CPZ: variants seen among roughly 807,000 people sequenced by gnomAD.
CPZ encodes the protein VEZT/CPZ fusion.
CPZ carries 103 observed loss-of-function variants against 61.8 expected under a neutral mutation model. The ratio of observed to expected loss-of-function variants is 1.67; its 90% CI spans 1.42 to 1.96. CPZ has a LOEUF of 1.96. Ranked by LOEUF, CPZ falls within the 30% of genes most tolerant of loss-of-function variation. The probability of loss-of-function intolerance (pLI) is 0.00; values close to 1 mark genes in which losing one functional copy is unlikely to be tolerated. For missense variants in CPZ, 1,461 were observed against 914.9 expected (o/e 1.60, Z -7.70); for synonymous variants, 551 against 373.7 (o/e 1.47, Z -5.47).
intron 4 of CPZ, 145 bp from the exon 5 acceptor site, chr4:8,605,844 C>T: frequency 1.3e-6 from 1 of 744,498 alleles, no homozygotes; most frequent in Non-Finnish European, 2.1e-6. Context: ...TTGATGAGAC[C>T]TCATTATATA....
intron 9 of CPZ, chr4:8,618,223 C>T (rs1577131907): frequency 1.7e-6 from 1 of 588,294 alleles, no homozygotes; most frequent in Non-Finnish European, 3.0e-6. Context: ...GTGCTCGGGT[C>T]AATTGCCAGG....
Position 8,607,329 on chromosome 4 carries a change from C to A in CPZ, c.1131C>A (p.Ala377=). 1.2e-6 allele frequency: 2 copies of A among 1,614,134 alleles called. No homozygotes were observed. The highest frequency in any genetic ancestry group is 1.7e-4 in the Middle Eastern group (1 of 6,060). Residue 377 remains alanine, a synonymous_variant, in exon 7 of 11, where the codon GCC becomes GCA. Transcript: ENST00000360986. The stretch of plus-strand genomic sequence containing the variant: ...AGACCATACCCTTTGTGCTCTCAGC[C>A]AGCCTTCATGGGGGCGACCTGGTGG... ...WMQTIPFVLS[A]SLHGGDLVVS...
rs145429481 is a variant in CPZ, at chr4:8,601,164, G to T, written c.163G>T (p.Ala55Ser). 90 of 1,603,324 alleles carry T rather than the reference G, an allele frequency of 5.6e-5. No individual in the cohort carries two copies. The highest frequency in any genetic ancestry group is 7.5e-5 in the Non-Finnish European group (88 of 1,172,932). The stretch of plus-strand genomic sequence containing the variant: ...GCAGCTCAGGACCTGCAGCGATGCC[G>T]CCTACAACCACACCACCTTCCCCAA... ...DLQLRTCSDA[A>S]YNHTTFPNLL... is the part of the protein sequence containing the mutation. Residue 55 changes from alanine (A) to serine (S), a missense_variant, in exon 3 of 11, where the codon GCC (alanine) becomes TCC (serine). Transcript: ENST00000360986.
chr4:8,608,641 C>CGTGTGTGTGTGTATACCT (rs57341669), intron 7 of CPZ, among the ~76,000 whole-genome samples: 1 of 151,418 alleles, frequency 6.6e-6, no homozygotes, highest in Non-Finnish European at 1.5e-5. Flanking sequence ...TGTGAGTGCA[C>CGTGTGTGTGTGTATACCT]GTGTGTGCGT....
intron 1 of CPZ, among the ~76,000 whole-genome samples, chr4:8,593,884 C>T (rs951925517): frequency 6.6e-5 from 10 of 152,168 alleles, no homozygotes; most frequent in African/African-American, 1.9e-4. Context: ...CTACCCGCTG[C>T]GTGTGTGCTC....
intron 1 of CPZ, among the ~76,000 whole-genome samples, chr4:8,597,207 C>T (rs1057169508): frequency 6.6e-6 from 1 of 152,116 alleles, no homozygotes. Context: ...CACCGGTGCT[C>T]GCTCAGGGCC....
chr4:8,603,947 C>T, intron 3 of CPZ, 29 bp from the exon 4 acceptor site: 3 of 1,603,546 alleles, frequency 1.9e-6, no homozygotes, highest in South Asian at 2.2e-5. Context: ...GGGCCTGACA[C>T]TGACTGAGCC....
intron 9 of CPZ, among the ~76,000 whole-genome samples, chr4:8,614,780 A>C (rs887730247): frequency 6.6e-6 from 1 of 152,164 alleles, no homozygotes; most frequent in Non-Finnish European, 1.5e-5. Context: ...ACAAGGGAGC[A>C]TGGGCCTGGG....
rs539435764 is a variant in CPZ, at chr4:8,594,811, C to T, written c.88+1890C>T. On this transcript the variant is annotated intron_variant, in intron 1 of 10. Coordinates refer to ENST00000360986, the MANE Select transcript of CPZ (RefSeq NM_001014447.3). ...TTTTTGAGATGGAGTCTCACTCTGTCGCCCAGGCTGGAGTGCAGTTGCGCA... is the reference window on the plus strand; with the variant it reads ...TTTTTGAGATGGAGTCTCACTCTGTTGCCCAGGCTGGAGTGCAGTTGCGCA... Among the ~76,000 whole-genome samples the T allele has an allele frequency of 1.1e-3, 171 of 150,970 alleles. 3 individuals are homozygous for T. Among genetic ancestry groups the T allele is most frequent in the Non-Finnish European group, 2.7e-4 (18 of 67,860 alleles).
In CPZ at chr4:8,612,086, G is replaced by A. The variant is rs149208953; in HGVS notation, c.1287G>A (p.Ser429=). The change falls in exon 8 of 11, where the codon TCG becomes TCA. Residue 429 remains serine (S), a synonymous_variant. Coordinates refer to ENST00000360986, the MANE Select transcript of CPZ (RefSeq NM_001014447.3). ...ADVHPMMMDR[S]ENRCGGNFLK... ...TCCACCCCATGATGATGGACAGGTC[G>A]GAGAATAGGTGTGGAGGCAATTTCC... is the stretch of plus-strand genomic sequence containing the variant. 1,590 of 1,613,524 alleles carry A rather than the reference G, an allele frequency of 9.9e-4. 2 individuals carry two copies. Among genetic ancestry groups the A allele is most frequent in the Non-Finnish European group, 1.2e-3 (1,416 of 1,179,836 alleles).
rs144420459 is a variant in CPZ, at chr4:8,619,461, C to A, written c.1803C>A (p.His601Gln). 1.6e-5 allele frequency: 26 copies of A among 1,611,552 alleles called. No homozygotes were observed. The highest frequency in any genetic ancestry group is 1.7e-5 in the Non-Finnish European group (20 of 1,178,454). ...ATGGGCTGCGGAGGACTGGGCCCCA[C>A]GACCCACTGGGAGGTGCCAGCTCTT... ...FIHGLRRTGP[H>Q]DPLGGASSLG... Residue 601 changes from histidine (H) to glutamine (Q), a missense_variant, in exon 11 of 11, where the codon CAC becomes CAA. Transcript: ENST00000360986.
At chr4:8,614,929 C>T (rs961834068) in intron 9 of CPZ, among the ~76,000 whole-genome samples, 2 of 151,624 alleles carry the variant, frequency 1.3e-5, no homozygotes, top group Non-Finnish European at 2.9e-5. Context: ...GGGGAGCATG[C>T]TAGAACCCCA....
chr4:8,619,294 C>T lies in CPZ; in HGVS notation c.1636C>T (p.Pro546Ser), dbSNP rs1225014798. The change falls in exon 11 of 11, where the codon CCA becomes TCA. Residue 546 changes from proline to serine, a missense_variant. By Grantham distance (74) the Pro-to-Ser change is moderately conservative (BLOSUM62 -1). Transcript: ENST00000360986. ...PDGDYWRLLP[P>S]GIHIVIAQAP... ...TGGTGACTACTGGAGACTGCTGCCC[C>T]CAGGTATCCACATTGTCATTGCCCA... 6.2e-7 allele frequency: 1 copy of T among 1,613,412 alleles called. No homozygotes were observed. The highest frequency in any genetic ancestry group is 8.5e-7 in the Non-Finnish European group (1 of 1,179,788).
intron 1 of CPZ, among the ~76,000 whole-genome samples, chr4:8,598,021 G>A (rs1217124877): frequency 6.6e-6 from 1 of 152,216 alleles, no homozygotes. Flanking sequence ...AGCTTGGACA[G>A]GGAGGGAGAG....
chr4:8,612,282 AG>A, intron 8 of CPZ, 120 bp downstream of exon 8: 2 of 855,178 alleles, frequency 2.3e-6, no homozygotes, highest in Non-Finnish European at 3.4e-6. Flanking sequence ...CCCGGAAGAC[AG>A]GGCGATGCCT....
chr4:8,613,686 A>C (rs1396322660), intron 8 of CPZ, among the ~76,000 whole-genome samples: 2 of 152,198 alleles, frequency 1.3e-5, no homozygotes, highest in Non-Finnish European at 2.9e-5. Context: ...GCTGAACAAG[A>C]AGCTCCAAGA....
rs187613817 is a variant in CPZ at position 8,618,074 on chromosome 4, T to G, written c.1504-355T>G. ...CCTCAGCTCAGAGGGACCCAGGGAG[T>G]CCCGCTGGGGCTGGGAAGGCAGGGA... On this transcript the variant is annotated intron_variant, in intron 9 of 10. Transcript: ENST00000360986. 1.4e-5 allele frequency: 4 copies of G among 295,086 alleles called. 1 individual carries two copies. The East Asian group carries it at 2.6e-4, about 19-fold the overall frequency. 18.3% of individuals were successfully genotyped at this position (295,086 alleles called of 1,614,324 possible).
At chr4:8,611,874 G>A (rs1266389353) in intron 7 of CPZ, among the ~76,000 whole-genome samples, 153 bp from the exon 8 acceptor site, 2 of 151,848 alleles carry the variant, frequency 1.3e-5, no homozygotes, top group African/African-American at 4.8e-5. Context: ...TCCTCTGCAG[G>A]ACACCGTTCC....
intron 9 of CPZ, among the ~76,000 whole-genome samples, chr4:8,616,720 C>T (rs530536383): frequency 7.2e-5 from 11 of 152,202 alleles, no homozygotes; most frequent in African/African-American, 2.2e-4. Context: ...GGTGGCTTCT[C>T]GAGCTGTCCA....
Sources: allele counts gnomAD v4.1 joint callset (sites outside exome capture counted in the v4.1 genomes callset), GRCh38; gene constraint gnomAD v4.1.1; transcripts MANE v1.5; gene names NCBI Gene and HGNC (gene_info 2026-07-23, HGNC 2026-07-21).